Variants in SPMIP4 observed in about 807,000 individuals in gnomAD.
SPMIP4 encodes sperm-associated microtubule inner protein 4.
At chr7:25,146,158 G>A in the SPMIP4 span, among the ~76,000 whole-genome samples, 1 of 152,184 alleles carries the variant, frequency 6.6e-6, no homozygotes, top group African/African-American at 2.4e-5. Context: ...GAGAGAGAGA[G>A]AGAGATGGAG....
At chr7:25,151,730 G>A in the SPMIP4 span, 6 of 1,006,488 alleles carry the variant, frequency 6.0e-6, no homozygotes, top group South Asian at 8.1e-5. Flanking sequence ...TCTTTTAGAG[G>A]ATTAATAGGT....
chr7:25,130,426 C>A, the SPMIP4 span, among the ~76,000 whole-genome samples: 10 of 151,020 alleles, frequency 6.6e-5, no homozygotes, highest in Admixed American at 6.6e-4. Context: ...GATTCTCCTG[C>A]CTCAGCCTCT....
At chr7:25,155,786 T>C in the SPMIP4 span, among the ~76,000 whole-genome samples, 2 of 151,872 alleles carry the variant, frequency 1.3e-5, no homozygotes, top group Admixed American at 6.6e-5. Flanking sequence ...AAAGAGACCA[T>C]AGGGATATAA....
the SPMIP4 span, among the ~76,000 whole-genome samples, chr7:25,149,546 TAAG>T: frequency 6.6e-6 from 1 of 152,104 alleles, no homozygotes. Context: ...TCATCAGAAA[TAAG>T]AAATAAATAA....
chr7:25,154,065 C>T, the SPMIP4 span, among the ~76,000 whole-genome samples: 3 of 152,204 alleles, frequency 2.0e-5, no homozygotes, highest in Admixed American at 6.5e-5. Flanking sequence ...CCATGGACCG[C>T]AGGTGAGTAA....
the SPMIP4 span, chr7:25,135,050 TAAAG>T: frequency 3.4e-6 from 2 of 583,732 alleles, no homozygotes; most frequent in Non-Finnish European, 4.3e-6. Flanking sequence ...ACAAAATACT[TAAAG>T]AAATTCCTCT....
chr7:25,179,394 T>A, the SPMIP4 span: 4 of 1,468,636 alleles, frequency 2.7e-6, no homozygotes, highest in African/African-American at 4.2e-5. Flanking sequence ...AAACACATTT[T>A]ACACTGCTAA....
At chr7:25,136,667 T>TA in the SPMIP4 span, 1 of 1,614,088 alleles carries the variant, frequency 6.2e-7, no homozygotes, top group Non-Finnish European at 8.5e-7. The surrounding 1 kb of genome is among the most constrained non-coding windows in gnomAD (Gnocchi z 5.7). Context: ...ACTCTAGGAG[T>TA]ACAATCTGGA....
chr7:25,164,055 T>A, the SPMIP4 span, among the ~76,000 whole-genome samples: 1 of 152,202 alleles, frequency 6.6e-6, no homozygotes, highest in African/African-American at 2.4e-5. Flanking sequence ...CAATTATGGC[T>A]AAGTGTTGTC....
the SPMIP4 span, among the ~76,000 whole-genome samples, chr7:25,173,826 A>C: frequency 6.6e-6 from 1 of 152,230 alleles, no homozygotes; most frequent in Non-Finnish European, 1.5e-5. The surrounding 1 kb of genome is among the most constrained non-coding windows in gnomAD (Gnocchi z 4.4). Flanking sequence ...AGAAAATGCT[A>C]ATCAATCATT....
chr7:25,159,340 A>T, the SPMIP4 span, among the ~76,000 whole-genome samples: 1 of 151,738 alleles, frequency 6.6e-6, no homozygotes, highest in Non-Finnish European at 1.5e-5. Flanking sequence ...TCCTGGAAGC[A>T]TGCCTTTTCT....
the SPMIP4 span, among the ~76,000 whole-genome samples, chr7:25,141,837 G>C: frequency 1.3e-5 from 2 of 151,938 alleles, no homozygotes; most frequent in African/African-American, 2.4e-5. Flanking sequence ...TCCTGGGTTC[G>C]AGCGATTCTT....
chr7:25,169,739 T>A, the SPMIP4 span, among the ~76,000 whole-genome samples: 1 of 152,086 alleles, frequency 6.6e-6, no homozygotes, highest in Non-Finnish European at 1.5e-5. Context: ...CACGCCTGGC[T>A]AATTTTTTGT....
chr7:25,171,128 G>A, the SPMIP4 span, among the ~76,000 whole-genome samples: 2 of 152,216 alleles, frequency 1.3e-5, no homozygotes, highest in East Asian at 1.9e-4. Flanking sequence ...TACCTTGTAA[G>A]TTAATCATGT....
chr7:25,153,524 C>T, the SPMIP4 span, among the ~76,000 whole-genome samples: 1 of 150,152 alleles, frequency 6.7e-6, no homozygotes, highest in African/African-American at 2.5e-5. Context: ...GAAAGTGCCA[C>T]TGCACTCTAG....
the SPMIP4 span, chr7:25,158,390 A>AT: frequency 1.4e-6 from 1 of 706,658 alleles, no homozygotes; most frequent in Non-Finnish European, 2.4e-6. Context: ...AAAAAAAAAG[A>AT]AACGTTTTCA....
chr7:25,167,875 T>C, the SPMIP4 span, among the ~76,000 whole-genome samples: 1 of 152,212 alleles, frequency 6.6e-6, no homozygotes, highest in African/African-American at 2.4e-5. Context: ...TTATAAACTA[T>C]TATTGAAAGG....
chr7:25,147,791 A>G, the SPMIP4 span, among the ~76,000 whole-genome samples: 1 of 152,180 alleles, frequency 6.6e-6, no homozygotes, highest in South Asian at 2.1e-4. Flanking sequence ...CGATGTACCA[A>G]TATTGTGCTG....
chr7:25,142,640 C>A, the SPMIP4 span: 1 of 1,604,478 alleles, frequency 6.2e-7, no homozygotes, highest in Non-Finnish European at 8.5e-7. Context: ...GAACTCATAC[C>A]TGTAAAATCA....
Sources: gnomAD v4.1 joint callset for allele counts (sites outside exome capture counted in the v4.1 genomes callset) on GRCh38, gnomAD v4.1.1 for gene constraint, Gnocchi (gnomAD v3.1) non-coding constraint, MANE v1.5 for transcripts, NCBI Gene and HGNC (gene_info 2026-07-23, HGNC 2026-07-21) for gene names.